The following BMAL1 variants were observed in gnomAD, a reference collection of about 807,000 sequenced individuals.
The protein encoded by BMAL1 is basic helix-loop-helix ARNT-like protein 1.
chr11:13,344,211 C>A, the BMAL1 span, among the ~76,000 whole-genome samples: 2 of 152,212 alleles, frequency 1.3e-5, no homozygotes, highest in African/African-American at 4.8e-5. Context: ...CCCCTCCACA[C>A]ACACCCAAGC....
At chr11:13,281,194 C>T in the BMAL1 span, among the ~76,000 whole-genome samples, 3 of 152,144 alleles carry the variant, frequency 2.0e-5, no homozygotes, top group Non-Finnish European at 4.4e-5. Flanking sequence ...TCTCCCCTGC[C>T]CCACCCTGAA....
the BMAL1 span, among the ~76,000 whole-genome samples, chr11:13,301,453 G>A: frequency 6.6e-6 from 1 of 152,336 alleles, no homozygotes; most frequent in African/African-American, 2.4e-5. Context: ...TTATTCAAGG[G>A]AGATTAAGAA....
At chr11:13,341,433 T>C in the BMAL1 span, among the ~76,000 whole-genome samples, 2 of 152,200 alleles carry the variant, frequency 1.3e-5, no homozygotes, top group East Asian at 1.9e-4. Flanking sequence ...AAAGAAGGCA[T>C]GTGGCTTTCT....
At chr11:13,307,437 G>A in the BMAL1 span, among the ~76,000 whole-genome samples, 1 of 152,150 alleles carries the variant, frequency 6.6e-6, no homozygotes, top group African/African-American at 2.4e-5. Flanking sequence ...CACCTGTAGC[G>A]ACAGCATCAG....
At chr11:13,316,795 C>T in the BMAL1 span, among the ~76,000 whole-genome samples, 4 of 152,194 alleles carry the variant, frequency 2.6e-5, no homozygotes, top group Non-Finnish European at 2.9e-5. Context: ...AGAAGGGGGA[C>T]GTTAGCCACA....
At chr11:13,342,038 C>A in the BMAL1 span, among the ~76,000 whole-genome samples, 2 of 152,164 alleles carry the variant, frequency 1.3e-5, 1 homozygote, top group South Asian at 4.1e-4. Context: ...GTGCTGGGTG[C>A]CGGAGTGCAG....
chr11:13,385,587 G>A, the BMAL1 span: 4 of 748,524 alleles, frequency 5.3e-6, no homozygotes, highest in East Asian at 8.0e-5. Flanking sequence ...GAAAACTGAA[G>A]CCATTTGAAG....
the BMAL1 span, among the ~76,000 whole-genome samples, chr11:13,301,076 A>G: frequency 6.6e-6 from 1 of 152,188 alleles, no homozygotes; most frequent in Non-Finnish European, 1.5e-5. Flanking sequence ...AGGTGGGATT[A>G]TAGGCACGTG....
chr11:13,375,445 C>T, the BMAL1 span, among the ~76,000 whole-genome samples: 487 of 152,296 alleles, frequency 3.2e-3, 1 homozygote, highest in Middle Eastern at 6.8e-3. Context: ...CTGAGTTAGA[C>T]CCTCAGAAAC....
the BMAL1 span, among the ~76,000 whole-genome samples, chr11:13,285,525 C>T: frequency 6.6e-6 from 1 of 152,168 alleles, no homozygotes; most frequent in East Asian, 1.9e-4. Context: ...CAGGGGAGAC[C>T]TCTCTGAGGA....
At chr11:13,284,180 GTA>G in the BMAL1 span, among the ~76,000 whole-genome samples, 51 of 21,126 alleles carry the variant, frequency 2.4e-3, 2 homozygotes, top group South Asian at 4.2e-3. Flanking sequence ...ATATATATGT[GTA>G]TATATATATA....
At chr11:13,292,546 C>CA in the BMAL1 span, among the ~76,000 whole-genome samples, 40,802 of 83,186 alleles carry the variant, frequency 0.49, 5,712 homozygotes, top group East Asian at 0.64. Context: ...GACTCCATCT[C>CA]AAAAAAAAAA....
chr11:13,315,766 A>G, the BMAL1 span, among the ~76,000 whole-genome samples: 995 of 152,296 alleles, frequency 6.5e-3, 13 homozygotes, highest in African/African-American at 0.022. Flanking sequence ...AGGAGTACCT[A>G]GGACTCTAGG....
chr11:13,372,850 A>G, the BMAL1 span, among the ~76,000 whole-genome samples: 1 of 152,100 alleles, frequency 6.6e-6, no homozygotes, highest in Admixed American at 6.5e-5. Context: ...CTGTTAAAAA[A>G]TGAGATTCAA....
chr11:13,299,880 TGAG>T, the BMAL1 span, among the ~76,000 whole-genome samples: 12 of 152,082 alleles, frequency 7.9e-5, no homozygotes, highest in Admixed American at 7.9e-4. Context: ...CTCAGAGACT[TGAG>T]GAGAGCTGGG....
chr11:13,378,845 G>A, the BMAL1 span: 1 of 193,874 alleles, frequency 5.2e-6, no homozygotes, highest in Non-Finnish European at 1.0e-5. Flanking sequence ...CAGGAGTAGA[G>A]CTGTGAACTA....
the BMAL1 span, among the ~76,000 whole-genome samples, chr11:13,301,978 T>C: frequency 6.6e-6 from 1 of 152,140 alleles, no homozygotes. Context: ...CTGTCTCTGA[T>C]TTGGGGAAAG....
At chr11:13,328,380 G>A in the BMAL1 span, among the ~76,000 whole-genome samples, 1 of 152,094 alleles carries the variant, frequency 6.6e-6, no homozygotes, top group African/African-American at 2.4e-5. Context: ...GTATGGGTTT[G>A]GGAGAAGGCA....
the BMAL1 span, chr11:13,355,408 G>GA: frequency 1.3e-5 from 14 of 1,046,238 alleles, no homozygotes; most frequent in Non-Finnish European, 2.1e-5. Context: ...AAGACTGCGA[G>GA]ATGTTGGCCA....
Sources: allele counts gnomAD v4.1 joint callset (sites outside exome capture counted in the v4.1 genomes callset), GRCh38; gene constraint gnomAD v4.1.1; transcripts MANE v1.5; gene names NCBI Gene and HGNC (gene_info 2026-07-23, HGNC 2026-07-21).